CELSR2: variants seen among roughly 807,000 people sequenced by gnomAD.
CELSR2 encodes EGF-like protein 2.
CELSR2 carries 81 observed loss-of-function variants against 251.6 expected under a neutral mutation model. The observed-to-expected ratio is 0.32, with a 90% CI of 0.27 to 0.39. The LOEUF is 0.39. Ranked by LOEUF, CELSR2 falls within the 10% of genes least tolerant of loss-of-function variation. The pLI is 1.00. For missense variants in CELSR2, 3,365 were observed against 3,947.7 expected, an observed-to-expected ratio of 0.85 and a Z score of 3.96; for synonymous variants, 1,721 against 1,670.5, an observed-to-expected ratio of 1.03 and a Z score of -0.74.
At chr1:109,271,178 G>A in intron 25 of CELSR2, 39 bp from the exon 26 acceptor site, 1 of 1,597,752 alleles carries the variant, frequency 6.3e-7, no homozygotes, top group Non-Finnish European at 8.6e-7. Flanking sequence ...GAAGCTGTTT[G>A]TCCCCACTGA....
intron 1 of CELSR2, among the ~76,000 whole-genome samples, chr1:109,253,692 A>T (rs1362241231): frequency 6.6e-6 from 1 of 152,086 alleles, no homozygotes; most frequent in Non-Finnish European, 1.5e-5. Context: ...GGCTGCCAAG[A>T]ATTGTGAAAA....
chr1:109,267,498 G>T, intron 15 of CELSR2, 50 bp from the exon 16 acceptor site: 3 of 1,556,380 alleles, frequency 1.9e-6, no homozygotes, highest in South Asian at 2.3e-5. Flanking sequence ...AGTCTCAGGG[G>T]CTTCCTGTGT....
chr1:109,267,836 C>T lies in CELSR2; in HGVS notation c.6109-15C>T. 1 of 1,594,432 alleles carries T rather than the reference C, an allele frequency of 6.3e-7. No homozygotes were observed. Reference sequence around the variant, plus strand: ...TCCTGCCCTCACTCCTGCTCCTCCGCTCCGTCCTGTCTAGGCTGAGCGGCT... The same window carrying T: ...TCCTGCCCTCACTCCTGCTCCTCCGTTCCGTCCTGTCTAGGCTGAGCGGCT... On this transcript the variant is annotated splice_polypyrimidine_tract_variant and intron_variant, in intron 16 of 33. Coordinates refer to ENST00000271332, the MANE Select transcript of CELSR2 (RefSeq NM_001408.3).
chr1:109,268,694 CG>C lies in CELSR2; in HGVS notation c.6433del (p.Ala2145ProfsTer13). The C allele has an allele frequency of 6.2e-7, 1 of 1,613,988 alleles. No homozygotes were observed. The highest frequency in any genetic ancestry group is 1.7e-5 in the Admixed American group (1 of 60,010). ...AWLLQHYEAY[A>X]SALAQNMRHT... ...GGCTGCTCCAGCACTATGAGGCCTA[CG>C]CCAGTGCCCTGGCCCAGAACATGCG... On this transcript the variant is annotated frameshift_variant, in exon 18 of 34. Transcript: ENST00000271332. LOFTEE classifies it high-confidence loss of function.
chr1:109,261,209 T>A lies in CELSR2; in HGVS notation c.4126T>A (p.Ser1376Thr). The A allele has an allele frequency of 1.2e-6, 2 of 1,614,086 alleles. No homozygotes were observed. The highest frequency in any genetic ancestry group is 2.2e-5 in the South Asian group (2 of 91,086). ...GACCACGCGCAGCTTCCCCGCCCACTCCTTCATCACCTTTCGCGGCCTGCG... is the reference window on the plus strand; with the variant it reads ...GACCACGCGCAGCTTCCCCGCCCACACCTTCATCACCTTTCGCGGCCTGCG... ...QVTTRSFPAH[S>T]FITFRGLRQR... The change falls in exon 3 of 34, where the codon TCC becomes ACC. Residue 1376 changes from serine to threonine, a missense_variant. By Grantham distance (58) the Ser-to-Thr change is moderately conservative. This residue lies in a region of CELSR2 where 2,093 missense variants were observed against 2,382.8 expected (regional missense o/e 0.88). Transcript: ENST00000271332. This position sits in a 1 kb window ranked among gnomAD's most constrained non-coding sequence, Gnocchi z 4.8.
At position 109,253,174 on chromosome 1, in the gene CELSR2, A is replaced by G; in HGVS notation, c.3095A>G (p.Asn1032Ser). ...GGCAACTTTGAGATCCTTTTCAACA[A>G]CTATGTCACCAATCGCTCAAGCAGC... The part of the protein sequence containing the change: ...VLGNFEILFN[N>S]YVTNRSSSFP... The change falls in exon 1 of 34, where the codon AAC (asparagine) becomes AGC (serine). Residue 1032 changes from asparagine (N) to serine (S), a missense_variant. By Grantham distance (46) the Asn-to-Ser change is conservative (BLOSUM62 1). Coordinates refer to ENST00000271332, the MANE Select transcript of CELSR2 (RefSeq NM_001408.3). 1 of 1,613,662 alleles carries G rather than the reference A, an allele frequency of 6.2e-7. No homozygotes were observed. The highest frequency in any genetic ancestry group is 1.1e-5 in the South Asian group (1 of 91,078).
rs749383330 is a variant in CELSR2, at chr1:109,269,322, G to A, written c.6812+32G>A. The A allele has an allele frequency of 1.9e-6, 3 of 1,612,208 alleles. No homozygotes were observed. Among genetic ancestry groups the A allele is most frequent in the South Asian group, 1.1e-5 (1 of 91,024 alleles). On this transcript the variant is annotated intron_variant, in intron 20 of 33. Coordinates refer to ENST00000271332, the MANE Select transcript of CELSR2 (RefSeq NM_001408.3). This position sits in a 1 kb window ranked among gnomAD's most constrained non-coding sequence, Gnocchi z 6.4. ...AGCTAGGGGACAGGTGTGGGTAGGG[G>A]TATGGGTCGGGCGGTGAGTGCTGAG...
chr1:109,262,888 G>A lies in CELSR2; in HGVS notation c.4627G>A (p.Val1543Met), dbSNP rs780865753. Reference sequence around the variant, plus strand: ...CTTCCCAGTCCGAATGCGGCAGTTCGTGGGCTGCATGCGGAACCTGCAGGT... The same window carrying A: ...CTTCCCAGTCCGAATGCGGCAGTTCATGGGCTGCATGCGGAACCTGCAGGT... ...ESFPVRMRQF[V>M]GCMRNLQVDS... The change falls in exon 7 of 34, where the codon GTG becomes ATG. Residue 1543 changes from valine to methionine, a missense_variant. Physicochemically the swap from Val to Met is conservative, Grantham distance 21 (BLOSUM62 1). Transcript: ENST00000271332. 4 of 1,613,816 alleles carry A rather than the reference G, an allele frequency of 2.5e-6. No homozygotes were observed. The South Asian group carries it at 3.3e-5, about 13-fold the overall frequency.
chr1:109,273,321 G>T lies in CELSR2; in HGVS notation c.8494G>T (p.Ala2832Ser), dbSNP rs1361222181. The T allele has an allele frequency of 3.1e-6, 5 of 1,598,362 alleles. No individual in the cohort carries two copies. The highest frequency in any genetic ancestry group is 4.3e-6 in the Non-Finnish European group (5 of 1,171,960). The change falls in exon 32 of 34, where the codon GCC becomes TCC. Residue 2832 changes from alanine to serine, a missense_variant. Around this residue, in one of 5 missense-constraint regions of CELSR2, gnomAD observed 2,093 missense variants for 2,382.8 expected, o/e 0.88. Transcript: ENST00000271332. Reference protein sequence around the residue: ...GSLGPLPGSSAQPHKGILKKK... With the variant: ...GSLGPLPGSSSQPHKGILKKK... ...CCTAGGCCCCCTTCCAGGCTCTTCT[G>T]CCCAGCCTCACAAAGGTGAGTGGGG...
Position 109,269,209 on chromosome 1 carries a change from A to G in CELSR2, c.6731A>G (p.Glu2244Gly). The G allele has an allele frequency of 6.2e-7, 1 of 1,612,832 alleles. No homozygotes were observed. Among genetic ancestry groups the G allele is most frequent in the Non-Finnish European group, 8.5e-7 (1 of 1,179,852 alleles). ...QRRHPELSQG[E>G]AVASVIIYRT... ...CGGCACCCGGAGCTGAGCCAGGGTG[A>G]GGCTGTGGCCAGCGTCATCATCTAC... is the stretch of plus-strand genomic sequence containing the variant. The change falls in exon 20 of 34, where the codon GAG becomes GGG. Residue 2244 changes from glutamate (E) to glycine (G), a missense_variant. This residue lies in a region of CELSR2 where 2,093 missense variants were observed against 2,382.8 expected (regional missense o/e 0.88). Transcript: ENST00000271332. The surrounding 1 kb of genome is among the most constrained non-coding windows in gnomAD (Gnocchi z 6.4).
chr1:109,270,345 C>T, intron 23 of CELSR2, 81 bp from the exon 24 acceptor site: 3 of 1,494,518 alleles, frequency 2.0e-6, no homozygotes, highest in African/African-American at 1.4e-5. Flanking sequence ...ACACCCAGGC[C>T]CTCCTCCATG....
intron 33 of CELSR2, 40 bp downstream of exon 33, chr1:109,273,710 CG>C: frequency 7.1e-7 from 1 of 1,400,184 alleles, no homozygotes. Flanking sequence ...TGCAGCCCCT[CG>C]GAGGCCTCAC....
At chr1:109,268,463 GCA>G in intron 17 of CELSR2, 116 bp from the exon 18 acceptor site, 1 of 1,332,744 alleles carries the variant, frequency 7.5e-7, no homozygotes, top group South Asian at 1.5e-5. Context: ...GCAACAGTGA[GCA>G]CAGAGGGAGG....
rs779125301 is a variant in CELSR2 at position 109,269,053 on chromosome 1, C to T, written c.6631+45C>T. The T allele has an allele frequency of 1.9e-6, 3 of 1,598,490 alleles. No homozygotes were observed. The highest frequency in any genetic ancestry group is 3.4e-5 in the Admixed American group (2 of 59,314). On this transcript the variant is annotated intron_variant, in intron 19 of 33. Transcript: ENST00000271332. This position sits in a 1 kb window ranked among gnomAD's most constrained non-coding sequence, Gnocchi z 6.4. ...TGAGTTGGGAGCTGGACCCCAGTGTCTGTGCAGACTCCACAGAGAGCAGGG... is the reference window on the plus strand; with the variant it reads ...TGAGTTGGGAGCTGGACCCCAGTGTTTGTGCAGACTCCACAGAGAGCAGGG...
intron 31 of CELSR2, 35 bp from the exon 32 acceptor site, chr1:109,273,131 C>T: frequency 6.2e-7 from 1 of 1,604,210 alleles, no homozygotes; most frequent in Non-Finnish European, 8.5e-7. Context: ...GCTATCTGCC[C>T]TCTGTGGGCC....
chr1:109,256,051 C>T (rs1655833203), intron 1 of CELSR2, among the ~76,000 whole-genome samples: 1 of 152,234 alleles, frequency 6.6e-6, no homozygotes, highest in Non-Finnish European at 1.5e-5. Flanking sequence ...CAGTTATGGG[C>T]ACTGTGTGTG....
chr1:109,268,914 T>G lies in CELSR2; in HGVS notation c.6537T>G (p.Phe2179Leu), dbSNP rs777239634. 1.2e-6 allele frequency: 2 copies of G among 1,612,670 alleles called. No individual in the cohort carries two copies. Among genetic ancestry groups the G allele is most frequent in the Non-Finnish European group, 1.7e-6 (2 of 1,179,058 alleles). Residue 2179 changes from phenylalanine (F) to leucine (L), a missense_variant, in exon 19 of 34, where the codon TTT (phenylalanine) becomes TTG (leucine). Transcript: ENST00000271332. ...TAGTGCGCTTGGACAAAGGGAACTTTGCTGGGGCCAAGCTGCCCCGCTACG... is the reference window on the plus strand; with the variant it reads ...TAGTGCGCTTGGACAAAGGGAACTTGGCTGGGGCCAAGCTGCCCCGCTACG... ...ISVVRLDKGNFAGAKLPRYEA... is the reference protein window; with the variant it reads ...ISVVRLDKGNLAGAKLPRYEA...
Position 109,252,553 on chromosome 1 carries a change from A to G in CELSR2, c.2474A>G (p.Tyr825Cys), listed in dbSNP as rs761847500. Residue 825 changes from tyrosine to cysteine, a missense_variant, in exon 1 of 34, where the codon TAT (tyrosine) becomes TGT (cysteine). Tyr to Cys is a radical substitution (Grantham distance 194). Around this residue, in one of 5 missense-constraint regions of CELSR2, gnomAD observed 505 missense variants for 660.0 expected, o/e 0.77. Coordinates refer to ENST00000271332, the MANE Select transcript of CELSR2 (RefSeq NM_001408.3). This position sits in a 1 kb window ranked among gnomAD's most constrained non-coding sequence, Gnocchi z 4.8. ...FLRDSYQGSV[Y>C]EDVPPFTSVL... ...CGAGACTCCTACCAGGGCAGTGTCT[A>G]TGAGGATGTGCCACCCTTCACTAGC... The G allele has an allele frequency of 1.2e-6, 2 of 1,613,932 alleles. No individual in the cohort carries two copies. The highest frequency in any genetic ancestry group is 2.2e-5 in the South Asian group (2 of 91,084).
At position 109,250,637 on chromosome 1, in the gene CELSR2, C is replaced by T. The variant is rs966846331; in HGVS notation, c.558C>T (p.Tyr186=). 18 of 1,613,918 alleles carry T rather than the reference C, an allele frequency of 1.1e-5. No individual in the cohort carries two copies. The African/African-American group carries it at 1.5e-4, about 13-fold the overall frequency. ...CCCCCCAGTTCCAGCCCCCCAGCTA[C>T]CAGGCCACAGTGCCGGAGAACCAGC... is the stretch of plus-strand genomic sequence containing the variant. The part of the protein sequence containing the change: ...NTAPQFQPPS[Y]QATVPENQPA... The change falls in exon 1 of 34, where the codon TAC becomes TAT. Residue 186 remains tyrosine (Y), a synonymous_variant. Transcript: ENST00000271332. The surrounding 1 kb of genome is among the most constrained non-coding windows in gnomAD (Gnocchi z 4.4).
Sources: allele counts gnomAD v4.1 joint callset (sites outside exome capture counted in the v4.1 genomes callset), GRCh38; gene constraint gnomAD v4.1.1; regional missense constraint gnomAD v4.1.1; non-coding constraint Gnocchi (gnomAD v3.1); transcripts MANE v1.5; gene names NCBI Gene and HGNC (gene_info 2026-07-23, HGNC 2026-07-21).